The following CMKLR1 variants were observed in gnomAD, a reference collection of about 807,000 sequenced individuals.
CMKLR1 encodes the protein chemerin-like receptor 1.
In CMKLR1, 6 loss-of-function variants were observed where a neutral mutation model predicts 8.2. The observed-to-expected ratio is 0.73, with a 90% confidence interval of 0.40 to 1.44. The LOEUF is 1.44. Among genes scored for constraint, CMKLR1 ranks in the 40% most tolerant of loss-of-function variants. CMKLR1 has a pLI of 0.02. For missense variants in CMKLR1, 429 were observed against 478.0 expected (o/e 0.90, Z 0.96); for synonymous variants, 178 against 181.2 (o/e 0.98, Z 0.14).
At chr12:108,333,819 T>G (rs1170927629) in intron 1 of CMKLR1, among the ~76,000 whole-genome samples, 3 of 152,278 alleles carry the variant, frequency 2.0e-5, no homozygotes. Flanking sequence ...CATCTGACAG[T>G]GCAAGGATTT....
intron 2 of CMKLR1, among the ~76,000 whole-genome samples, chr12:108,315,148 G>C (rs181680321): frequency 6.6e-6 from 1 of 151,862 alleles, no homozygotes; most frequent in Non-Finnish European, 1.5e-5. Context: ...TGTTGGTCAG[G>C]CTGGTCTCAG....
At chr12:108,312,461 G>A (rs1255268449) in intron 2 of CMKLR1, among the ~76,000 whole-genome samples, 1 of 152,218 alleles carries the variant, frequency 6.6e-6, no homozygotes, top group Non-Finnish European at 1.5e-5. Context: ...CTGGGGTGCA[G>A]CTATGGGGTG....
intron 2 of CMKLR1, among the ~76,000 whole-genome samples, chr12:108,295,689 G>T (rs770619772): frequency 6.6e-6 from 1 of 152,208 alleles, no homozygotes; most frequent in Non-Finnish European, 1.5e-5. Context: ...GGAAGGGCAC[G>T]CCGGGCATCT....
chr12:108,324,556 G>T (rs55813925), intron 2 of CMKLR1, among the ~76,000 whole-genome samples: 1 of 152,158 alleles, frequency 6.6e-6, no homozygotes, highest in South Asian at 2.1e-4. Flanking sequence ...CCCTGGAGCC[G>T]ACCCAAAGAC....
chr12:108,337,526 A>ATGAC (rs1892255588), intron 1 of CMKLR1, among the ~76,000 whole-genome samples: 1 of 152,180 alleles, frequency 6.6e-6, no homozygotes, highest in Non-Finnish European at 1.5e-5. Context: ...GACAGACAAG[A>ATGAC]TGACTGGTCA....
intron 2 of CMKLR1, among the ~76,000 whole-genome samples, chr12:108,329,719 G>A (rs1044303832): frequency 2.6e-5 from 4 of 152,252 alleles, no homozygotes; most frequent in South Asian, 2.1e-4. Flanking sequence ...CACTCTGTCT[G>A]TTTACTCACC....
intron 2 of CMKLR1, among the ~76,000 whole-genome samples, chr12:108,303,385 C>A (rs1420063242): frequency 1.3e-5 from 2 of 152,216 alleles, no homozygotes; most frequent in Admixed American, 1.3e-4. Context: ...ACAAAAGCCT[C>A]CAATGGACAT....
chr12:108,293,674 A>T lies in CMKLR1; in HGVS notation c.-73-10T>A. On this transcript the variant is annotated splice_polypyrimidine_tract_variant and intron_variant, in intron 2 of 3. Transcript: ENST00000550402. ...ACACAGCTAGAAACACCTGTAGGGA[A>T]AAAAAAAAAAAAAAAAGCAGCAATT... The T allele has an allele frequency of 1.4e-4, 66 of 468,196 alleles. No individual in the cohort carries two copies. The highest frequency in any genetic ancestry group is 1.7e-4 in the Non-Finnish European group (59 of 347,664). 29.0% of individuals were successfully genotyped at this position (468,196 alleles called of 1,614,324 possible).
Position 108,297,523 on chromosome 12 carries a change from T to C in CMKLR1, c.-73-3859A>G, listed in dbSNP as rs74539400. On this transcript the variant is annotated intron_variant, in intron 2 of 3. Transcript: ENST00000550402. Reference sequence around the variant, plus strand: ...AGTGTACATAATATGTACATACATATAGTTAACGTTTGCTTGATCTCTCAC... The same window carrying C: ...AGTGTACATAATATGTACATACATACAGTTAACGTTTGCTTGATCTCTCAC... 2.8e-3 allele frequency among the ~76,000 whole-genome samples: 421 copies of C among 152,284 alleles called. 3 individuals are homozygous for C. The highest frequency in any genetic ancestry group is 9.7e-3 in the African/African-American group (405 of 41,566).
Position 108,291,591 on chromosome 12 carries a change from G to A in CMKLR1, c.*250C>T. The A allele has an allele frequency of 2.1e-6, 1 of 473,722 alleles. No individual in the cohort carries two copies. The highest frequency in any genetic ancestry group is 3.8e-5 in the Admixed American group (1 of 26,134). The allele number at this position is 473,722 out of a possible 1,614,324, so 29.3% of individuals were successfully genotyped here. A position where few individuals can be genotyped will look rare whatever the true frequency, so the allele number is the denominator to read the frequency against. On this transcript the variant is annotated 3_prime_UTR_variant, in exon 4 of 4. Transcript: ENST00000550402. ...TTGAGAATTCTTCCTTTTTTGCTTT[G>A]AGTCAGTCAAGGCTGGCCTCCCAAG...
At chr12:108,324,833 T>TGTGCTGGGTTCAGGA (rs71442089) in intron 2 of CMKLR1, among the ~76,000 whole-genome samples, 2 of 151,758 alleles carry the variant, frequency 1.3e-5, no homozygotes, top group Admixed American at 1.3e-4. Flanking sequence ...GCACCCACAA[T>TGTGCTGGGTTCAGGA]GTGGTGGGTG....
intron 2 of CMKLR1, among the ~76,000 whole-genome samples, chr12:108,327,298 T>A (rs995904331): frequency 2.0e-5 from 3 of 152,180 alleles, no homozygotes; most frequent in African/African-American, 4.8e-5. Flanking sequence ...GGCAACATGG[T>A]GAGACCCTGT....
chr12:108,338,393 C>T (rs1892280192), intron 1 of CMKLR1, among the ~76,000 whole-genome samples: 1 of 152,048 alleles, frequency 6.6e-6, no homozygotes, highest in African/African-American at 2.4e-5. Flanking sequence ...AAATGAAATG[C>T]CTATTGAAGC....
intron 2 of CMKLR1, among the ~76,000 whole-genome samples, chr12:108,329,438 G>T (rs1014889423): frequency 2.6e-5 from 4 of 152,192 alleles, no homozygotes; most frequent in African/African-American, 9.7e-5. Flanking sequence ...AACCCAGCTC[G>T]AATATATGCT....
intron 2 of CMKLR1, among the ~76,000 whole-genome samples, chr12:108,301,282 A>C (rs990137939): frequency 2.0e-5 from 3 of 151,830 alleles, no homozygotes; most frequent in Non-Finnish European, 2.9e-5. Flanking sequence ...TCACCATGTT[A>C]GCCAGGATGG....
chr12:108,308,727 G>A (rs1037005927), intron 2 of CMKLR1, among the ~76,000 whole-genome samples: 7 of 152,320 alleles, frequency 4.6e-5, no homozygotes, highest in South Asian at 4.1e-4. Context: ...AGAAGCTTCC[G>A]ACAAGACAAT....
chr12:108,333,956 T>G (rs1892165557), intron 1 of CMKLR1, among the ~76,000 whole-genome samples: 1 of 152,254 alleles, frequency 6.6e-6, no homozygotes, highest in South Asian at 2.1e-4. Context: ...TCAAAGTGGC[T>G]GCCAATAACA....
intron 2 of CMKLR1, among the ~76,000 whole-genome samples, chr12:108,311,286 G>GTGTGTA (rs1891562837): frequency 6.6e-6 from 1 of 152,224 alleles, no homozygotes; most frequent in East Asian, 1.9e-4. Context: ...TGACATGAAT[G>GTGTGTA]TGTGTATGTG....
At chr12:108,309,329 G>T (rs1338011729) in intron 2 of CMKLR1, among the ~76,000 whole-genome samples, 1 of 152,192 alleles carries the variant, frequency 6.6e-6, no homozygotes, top group Admixed American at 6.5e-5. Context: ...CCCTCCCCCA[G>T]CATTTATGCC....
Sources: allele counts gnomAD v4.1 joint callset (sites outside exome capture counted in the v4.1 genomes callset), GRCh38; gene constraint gnomAD v4.1.1; transcripts MANE v1.5; gene names NCBI Gene and HGNC (gene_info 2026-07-23, HGNC 2026-07-21).